GALNT9: variants seen among roughly 807,000 people sequenced by gnomAD.
The protein encoded by GALNT9 is polypeptide N-acetylgalactosaminyltransferase 9.
A neutral mutation model predicts 63.1 loss-of-function variants in GALNT9; 47 were observed. That is an observed-to-expected ratio of 0.75 (90% CI 0.59 to 0.95). GALNT9 has a LOEUF of 0.95. Ranked by LOEUF, GALNT9 falls within the 40% of genes least tolerant of loss-of-function variation. GALNT9 has a pLI of 0.00. For synonymous variants in GALNT9, 396 were observed against 365.7 expected (o/e 1.08, Z -0.94); for missense variants, 829 against 874.8 (o/e 0.95, Z 0.66).
At position 132,328,968 on chromosome 12, in the gene GALNT9, T is replaced by C. The variant is rs1555246711; in HGVS notation, c.236A>G (p.Asn79Ser). The C allele has an allele frequency of 6.5e-7, 1 of 1,530,986 alleles. No homozygotes were observed. The highest frequency in any genetic ancestry group is 2.5e-5 in the East Asian group (1 of 40,344). 94.8% of individuals were successfully genotyped at this position (1,530,986 alleles called of 1,614,324 possible). The change falls in exon 1 of 11, where the codon AAC (asparagine) becomes AGC (serine). Residue 79 changes from asparagine (N) to serine (S), a missense_variant and splice_region_variant. Physicochemically the swap from Asn to Ser is conservative, Grantham distance 46 (BLOSUM62 1). Transcript: ENST00000328957. Reference sequence around the variant, plus strand: ...TCCGCCCCGGCGCCCCCGCTCACCGTTGAGCTGGTTGTAGACCACCTCCTC... The same window carrying C: ...TCCGCCCCGGCGCCCCCGCTCACCGCTGAGCTGGTTGTAGACCACCTCCTC... ...HLEEVVYNQL[N>S]GLAKPIGLVE... is the part of the protein sequence containing the mutation.
chr12:132,263,012 G>T (rs187697680), intron 2 of GALNT9, among the ~76,000 whole-genome samples: 3 of 152,246 alleles, frequency 2.0e-5, no homozygotes, highest in African/African-American at 7.2e-5. Flanking sequence ...GGAGATGAAC[G>T]TCCCCGTTCC....
intron 6 of GALNT9, among the ~76,000 whole-genome samples, chr12:132,216,609 G>A (rs867612466): frequency 9.2e-5 from 14 of 152,234 alleles, no homozygotes; most frequent in Middle Eastern, 3.2e-3. Context: ...CCTGGTCTCC[G>A]CTGGGTGTCT....
chr12:132,326,679 G>T (rs55744440), intron 1 of GALNT9, among the ~76,000 whole-genome samples: 5,108 of 152,288 alleles, frequency 0.034, 268 homozygotes, highest in African/African-American at 0.12. Flanking sequence ...TTTTGTTTCG[G>T]ATTTCCCCCT....
intron 5 of GALNT9, 94 bp from the exon 6 acceptor site, chr12:132,248,121 C>G (rs1878786108): frequency 6.8e-7 from 1 of 1,468,216 alleles, no homozygotes; most frequent in Admixed American, 2.2e-5. Context: ...AAGACCCCAC[C>G]ACCCCTCCCT....
intron 6 of GALNT9, among the ~76,000 whole-genome samples, chr12:132,207,263 A>C (rs1876752271): frequency 6.6e-6 from 1 of 152,086 alleles, no homozygotes. Context: ...GCTCCGCAGG[A>C]CAGGGTTTCT....
intron 2 of GALNT9, chr12:132,278,582 C>T (rs1378737404): frequency 6.6e-6 from 1 of 152,270 alleles, no homozygotes; most frequent in Non-Finnish European, 1.5e-5. Context: ...GAGTGGCCCT[C>T]CCCGGGGCTG....
intron 4 of GALNT9, among the ~76,000 whole-genome samples, chr12:132,259,988 C>A (rs1318614475): frequency 6.7e-6 from 1 of 149,942 alleles, no homozygotes; most frequent in Non-Finnish European, 1.5e-5. Flanking sequence ...GCGGGGCCTG[C>A]CTGGGTGCGG....
chr12:132,204,227 G>A (rs1565984479), intron 6 of GALNT9, among the ~76,000 whole-genome samples: 4 of 152,190 alleles, frequency 2.6e-5, no homozygotes, highest in South Asian at 2.1e-4. Flanking sequence ...CAGCAGAAAC[G>A]TGTTTGTCAC....
rs867793950 is a variant in GALNT9, at chr12:132,206,735, A to G, written c.1078-3045T>C. On this transcript the variant is annotated intron_variant, in intron 6 of 10. Coordinates refer to ENST00000328957, the MANE Select transcript of GALNT9 (RefSeq NM_001122636.2). The stretch of plus-strand genomic sequence containing the variant: ...AGGACCGTGGACCTGACCGTGACCC[A>G]GCCGGCAACTGGGAGGAGGAGCCGA... Among the ~76,000 whole-genome samples the G allele has an allele frequency of 2.6e-5, 4 of 151,986 alleles. No individual in the cohort carries two copies. The South Asian group carries it at 6.2e-4, about 24-fold the overall frequency.
intron 6 of GALNT9, among the ~76,000 whole-genome samples, chr12:132,203,948 AG>A (rs921896413): frequency 1.8e-4 from 28 of 151,872 alleles, no homozygotes; most frequent in South Asian, 6.3e-4. Context: ...GGCTGTGGGG[AG>A]GGGGGTTTAT....
intron 2 of GALNT9, among the ~76,000 whole-genome samples, chr12:132,266,305 G>T (rs1216783206): frequency 1.3e-5 from 2 of 152,260 alleles, no homozygotes; most frequent in East Asian, 3.8e-4. Context: ...CTCCCTCCGA[G>T]CAGCGCCTTT....
At chr12:132,298,317 ACC>A (rs2135572285) in intron 1 of GALNT9, among the ~76,000 whole-genome samples, 1 of 151,760 alleles carries the variant, frequency 6.6e-6, no homozygotes, top group South Asian at 2.1e-4. Context: ...ACCACACTTA[ACC>A]CACCCATGAG....
intron 5 of GALNT9, among the ~76,000 whole-genome samples, chr12:132,254,350 T>C (rs1879036619): frequency 6.6e-6 from 1 of 152,256 alleles, no homozygotes; most frequent in Admixed American, 6.5e-5. Flanking sequence ...TTTATGGAAA[T>C]TTTCAAGTGT....
chr12:132,299,742 A>G (rs373553235), intron 1 of GALNT9, among the ~76,000 whole-genome samples: 1 of 124,194 alleles, frequency 8.1e-6, no homozygotes, highest in Non-Finnish European at 1.7e-5. Context: ...TAACTAACCC[A>G]CTCCCACCAC....
intron 2 of GALNT9, among the ~76,000 whole-genome samples, chr12:132,264,737 A>C (rs988392954): frequency 5.7e-4 from 87 of 152,212 alleles, no homozygotes; most frequent in African/African-American, 2.1e-3. Context: ...GCCAGAGGAA[A>C]TAGGGCACTC....
chr12:132,303,495 A>G (rs797030130), intron 1 of GALNT9, among the ~76,000 whole-genome samples: 8 of 35,960 alleles, frequency 2.2e-4, no homozygotes, highest in East Asian at 1.4e-3. Context: ...AGAATCGCCC[A>G]GACACACCCT....
chr12:132,211,455 C>T (rs1168474459), intron 6 of GALNT9, among the ~76,000 whole-genome samples: 3 of 152,200 alleles, frequency 2.0e-5, no homozygotes, highest in African/African-American at 7.2e-5. Context: ...GAAAACACCT[C>T]AGACGCTGTC....
intron 6 of GALNT9, among the ~76,000 whole-genome samples, chr12:132,204,161 C>G (rs946594234): frequency 1.3e-5 from 1 of 74,918 alleles, no homozygotes; most frequent in Non-Finnish European, 3.5e-5. Flanking sequence ...AAAAGCCCAA[C>G]CAGCCTCCCC....
chr12:132,258,006 C>G, intron 4 of GALNT9, 120 bp from the exon 5 acceptor site: 1 of 700,026 alleles, frequency 1.4e-6, no homozygotes, highest in African/African-American at 1.8e-5. Flanking sequence ...GCCCTGCCAC[C>G]CCCTGCTGAG....
Sources: allele counts gnomAD v4.1 joint callset (sites outside exome capture counted in the v4.1 genomes callset), GRCh38; gene constraint gnomAD v4.1.1; transcripts MANE v1.5; gene names NCBI Gene and HGNC (gene_info 2026-07-23, HGNC 2026-07-21).